ZACN: variants seen among roughly 807,000 people sequenced by gnomAD.
The protein encoded by ZACN is zinc activated ion channel, also known as ligand-gated cation channel ZACN.
ZACN carries 52 observed loss-of-function variants against 38.9 expected under a neutral mutation model. That is an observed-to-expected ratio of 1.34 (90% confidence interval 1.07 to 1.68). The LOEUF is 1.68. ZACN is among the 40% of genes most tolerant of loss of function. The pLI is 0.00. For missense variants in ZACN, 559 were observed against 525.6 expected, an observed-to-expected ratio of 1.06 and a Z score of -0.62; for synonymous variants, 235 against 227.4, an observed-to-expected ratio of 1.03 and a Z score of -0.30.
In ZACN at chr17:76,082,410, C is replaced by T. The variant is rs1339131239; in HGVS notation, c.1049-53C>T. The T allele has an allele frequency of 2.2e-5, 33 of 1,519,796 alleles. No homozygotes were observed. The Middle Eastern group carries it at 5.2e-4, about 24-fold the overall frequency. 94.1% of individuals were successfully genotyped at this position (1,519,796 alleles called of 1,614,324 possible). A position where few individuals can be genotyped will look rare whatever the true frequency, so the allele number is the denominator to read the frequency against. The stretch of plus-strand genomic sequence containing the variant: ...GACCCCTGGGGTTCGCTCTTCCGCT[C>T]ATGTTGAGGGGACCTTGAAGAACAG... On this transcript the variant is annotated intron_variant, in intron 8 of 8. Transcript: ENST00000334586.
chr17:76,079,182 A>T lies in ZACN; in HGVS notation c.-83A>T. On this transcript the variant is annotated 5_prime_UTR_variant, in exon 1 of 9. Transcript: ENST00000334586. Reference sequence around the variant, plus strand: ...TTGCCCAGAGCAGCTGCCTCTGGCTAATTGCTCAGCTGCCAGAGAAGTGAC... The same window carrying T: ...TTGCCCAGAGCAGCTGCCTCTGGCTTATTGCTCAGCTGCCAGAGAAGTGAC... 7.3e-7 allele frequency: 1 copy of T among 1,372,720 alleles called. No homozygotes were observed. The highest frequency in any genetic ancestry group is 9.9e-7 in the Non-Finnish European group (1 of 1,013,012). The allele number at this position is 1,372,720 out of a possible 1,614,324, so 85.0% of individuals were successfully genotyped here. A position where few individuals can be genotyped will look rare whatever the true frequency, so the allele number is the denominator to read the frequency against.
chr17:76,081,746 C>G lies in ZACN; in HGVS notation c.871C>G (p.Pro291Ala), dbSNP rs760032798. ...CCTGCCCAGCTCCTCCTCCTGCAAC[C>G]CACTGCTCAGTAAGCCCTGCTCCCT... Reference protein sequence around the residue: ...QALPSSSSCNPLLIYYFTILL... With the variant: ...QALPSSSSCNALLIYYFTILL... Residue 291 changes from proline to alanine, a missense_variant, in exon 7 of 9, where the codon CCA becomes GCA. By Grantham distance (27) the Pro-to-Ala change is conservative. Transcript: ENST00000334586. 1 of 1,613,914 alleles carries G rather than the reference C, an allele frequency of 6.2e-7. No homozygotes were observed. The highest frequency in any genetic ancestry group is 1.3e-5 in the African/African-American group (1 of 74,906).
chr17:76,079,837 G>T (rs753746098), intron 3 of ZACN, 51 bp from the exon 4 acceptor site: 10 of 1,597,182 alleles, frequency 6.3e-6, no homozygotes, highest in Non-Finnish European at 8.5e-6. Context: ...TGAGCTTAGG[G>T]GCATGGATAT....
In ZACN at chr17:76,081,936, TGCTGCTGGCTGG is replaced by T. The variant is rs1209393823; in HGVS notation, c.945_956del (p.Gly316_Ala319del). 10 of 1,613,302 alleles carry T rather than the reference TGCTGCTGGCTGG, an allele frequency of 6.2e-6. No individual in the cohort carries two copies. Among genetic ancestry groups the T allele is most frequent in the Admixed American group, 1.7e-5 (1 of 59,934 alleles). ...CTCTTCCTCAGCACCATAGAGACTG[TGCTGCTGGCTGG>T]GCTGCTGGCCCGGGGCAACCTTGGG... On this transcript the variant is annotated inframe_deletion, in exon 8 of 9. Transcript: ENST00000334586.
In ZACN at chr17:76,080,521, A is replaced by G. The variant is rs371628139; in HGVS notation, c.544+97A>G. 3 of 1,505,838 alleles carry G rather than the reference A, an allele frequency of 2.0e-6. No individual in the cohort carries two copies. The South Asian group carries it at 3.5e-5, about 18-fold the overall frequency. 93.3% of individuals were successfully genotyped at this position (1,505,838 alleles called of 1,614,324 possible). On this transcript the variant is annotated intron_variant, in intron 5 of 8. Coordinates refer to ENST00000334586, the MANE Select transcript of ZACN (RefSeq NM_180990.4). ...GTGGTGCAGGGGCAGGGTGCGGGGC[A>G]AGGGGAAGGGGCAAAGGCAGACAGA... is the stretch of plus-strand genomic sequence containing the variant.
In ZACN at chr17:76,081,416, G is replaced by T. The variant is rs8836; in HGVS notation, c.669+14G>T. ...TTCCAGGTGACGGTGAGTCAAGTCGGGAGGAGGCCGACAGAGGGCTGCTGG... is the reference window on the plus strand; with the variant it reads ...TTCCAGGTGACGGTGAGTCAAGTCGTGAGGAGGCCGACAGAGGGCTGCTGG... On this transcript the variant is annotated intron_variant, in intron 6 of 8. Transcript: ENST00000334586. 17 of 1,613,800 alleles carry T rather than the reference G, an allele frequency of 1.1e-5. No individual in the cohort carries two copies. In the Admixed American group the frequency reaches 2.2e-4, roughly 21 times the overall value.
At position 76,082,517 on chromosome 17, in the gene ZACN, G is replaced by C; in HGVS notation, c.1103G>C (p.Arg368Pro). The C allele has an allele frequency of 1.2e-6, 2 of 1,613,770 alleles. No individual in the cohort carries two copies. The highest frequency in any genetic ancestry group is 1.7e-6 in the Non-Finnish European group (2 of 1,179,896). ...AGAAGCTGGCCTGAGACTGCTGACC[G>C]CATCTTCTTCCTCGTGTATGTGGTT... Reference protein sequence around the residue: ...SQRSWPETADRIFFLVYVVGV... With the variant: ...SQRSWPETADPIFFLVYVVGV... Residue 368 changes from arginine to proline, a missense_variant, in exon 9 of 9, where the codon CGC becomes CCC. Transcript: ENST00000334586.
intron 5 of ZACN, chr17:76,080,690 ACT>A (rs1208736486): frequency 1.6e-6 from 1 of 612,428 alleles, no homozygotes; most frequent in Non-Finnish European, 3.1e-6. Flanking sequence ...AGGGTGACAG[ACT>A]CAAACATTCG....
chr17:76,079,654 C>A (rs772392608), intron 2 of ZACN, 48 bp from the exon 3 acceptor site: 2 of 1,611,048 alleles, frequency 1.2e-6, no homozygotes, highest in East Asian at 4.5e-5. Flanking sequence ...CTGCTGCGTT[C>A]TTTCAACACA....
At chr17:76,080,219 G>T in intron 4 of ZACN, 36 bp from the exon 5 acceptor site, 3 of 1,584,744 alleles carry the variant, frequency 1.9e-6, no homozygotes, top group Non-Finnish European at 2.6e-6. Flanking sequence ...GTCCAAGAAG[G>T]GGCTGGGGCT....
chr17:76,082,358 C>A, intron 8 of ZACN, 105 bp from the exon 9 acceptor site: 1 of 1,241,618 alleles, frequency 8.1e-7, no homozygotes, highest in Admixed American at 2.4e-5. Flanking sequence ...AGCTGAGAAT[C>A]TAAGAAAGGA....
At position 76,079,503 on chromosome 17, in the gene ZACN, C is replaced by T. The variant is rs2066917389; in HGVS notation, c.162C>T (p.Asn54=). 6.2e-7 allele frequency: 1 copy of T among 1,614,100 alleles called. No homozygotes were observed. Among genetic ancestry groups the T allele is most frequent in the Non-Finnish European group, 8.5e-7 (1 of 1,180,040 alleles). The part of the protein sequence containing the change: ...KKVQESIQIP[N]NGSAPLLVDV... ...TTCAGGAAAGCATCCAGATCCCGAACAATGGGAGTGCGCCCCTGCTCGTGG... is the reference window on the plus strand; with the variant it reads ...TTCAGGAAAGCATCCAGATCCCGAATAATGGGAGTGCGCCCCTGCTCGTGG... The change falls in exon 2 of 9, where the codon AAC becomes AAT. Residue 54 remains asparagine (N), a synonymous_variant. Transcript: ENST00000334586.
At position 76,079,435 on chromosome 17, in the gene ZACN, TCA is replaced by T. The variant is rs375994073; in HGVS notation, c.98-3_98-2del. On this transcript the variant is annotated splice_acceptor_variant and splice_polypyrimidine_tract_variant and intron_variant, in intron 1 of 8. Coordinates refer to ENST00000334586, the MANE Select transcript of ZACN (RefSeq NM_180990.4). LOFTEE classifies it high-confidence loss of function. Reference sequence around the variant, plus strand: ...CCTGAGTGACCTTGACTTTTCTCTCTCAGTCTGGCCATCCCTCTTCAACGTCA... The same window carrying T: ...CCTGAGTGACCTTGACTTTTCTCTCTGTCTGGCCATCCCTCTTCAACGTCA... 566 of 1,614,198 alleles carry T rather than the reference TCA, an allele frequency of 3.5e-4. 3 individuals are homozygous for T. The East Asian group carries it at 0.011, about 33-fold the overall frequency.
chr17:76,081,878 C>T lies in ZACN; in HGVS notation c.881-4C>T. On this transcript the variant is annotated splice_polypyrimidine_tract_variant and splice_region_variant and intron_variant, in intron 7 of 8. Transcript: ENST00000334586. ...AGCATCTCCCTGTGCCCTGCCTCCCCCAGTTTACTACTTCACCATCCTGCT... is the reference window on the plus strand; with the variant it reads ...AGCATCTCCCTGTGCCCTGCCTCCCTCAGTTTACTACTTCACCATCCTGCT... 1 of 1,608,674 alleles carries T rather than the reference C, an allele frequency of 6.2e-7. No individual in the cohort carries two copies. Among genetic ancestry groups the T allele is most frequent in the Non-Finnish European group, 8.5e-7 (1 of 1,176,332 alleles).
In ZACN at chr17:76,081,973, GGCCAAGAGCGGCCCCA is replaced by G. The variant is rs766411667; in HGVS notation, c.976_991del (p.Lys326GlnfsTer25). 1.3e-5 allele frequency: 21 copies of G among 1,612,370 alleles called. No homozygotes were observed. Among genetic ancestry groups the G allele is most frequent in the Non-Finnish European group, 1.7e-5 (20 of 1,179,760 alleles). On this transcript the variant is annotated frameshift_variant, in exon 8 of 9. Transcript: ENST00000334586. LOFTEE classifies it high-confidence loss of function. ...GGCTGCTGGCCCGGGGCAACCTTGG[GGCCAAGAGCGGCCCCA>G]GCCCAGCCCCGAGAGGGGAACAGCG...
chr17:76,080,171 G>A, intron 4 of ZACN, 84 bp from the exon 5 acceptor site: 9 of 1,504,708 alleles, frequency 6.0e-6, no homozygotes, highest in Non-Finnish European at 7.1e-6. Context: ...AAAGCAGCTG[G>A]GGTTGGGGTT....
At chr17:76,080,770 C>G (rs1185743680) in intron 5 of ZACN, 1 of 493,928 alleles carries the variant, frequency 2.0e-6, no homozygotes. Flanking sequence ...AACTGCCCTC[C>G]ACAGCCATGG....
In ZACN at chr17:76,079,705, A is replaced by G; in HGVS notation, c.226A>G (p.Ile76Val). The part of the protein sequence containing the change: ...VFVSNVFNVD[I>V]LRYTMSSMLL... ...TGATGCATTGCCCTTCCCCCAGGACATCCTGCGATACACAATGTCCTCCAT... is the reference window on the plus strand; with the variant it reads ...TGATGCATTGCCCTTCCCCCAGGACGTCCTGCGATACACAATGTCCTCCAT... The change falls in exon 3 of 9, where the codon ATC becomes GTC. Residue 76 changes from isoleucine (I) to valine (V), a missense_variant. Ile to Val is a conservative substitution (Grantham distance 29). Transcript: ENST00000334586. 5.0e-6 allele frequency: 8 copies of G among 1,613,490 alleles called. No homozygotes were observed. Among genetic ancestry groups the G allele is most frequent in the Non-Finnish European group, 6.8e-6 (8 of 1,179,590 alleles).
At chr17:76,080,598 G>A (rs749993050) in intron 5 of ZACN, 174 bp downstream of exon 5, 10 of 918,764 alleles carry the variant, frequency 1.1e-5, no homozygotes, top group East Asian at 1.1e-4. Context: ...GCTTAGGCGG[G>A]CAGCACCTGC....
Sources: gnomAD v4.1 joint callset for allele counts on GRCh38, gnomAD v4.1.1 for gene constraint, MANE v1.5 for transcripts, NCBI Gene and HGNC (gene_info 2026-07-23, HGNC 2026-07-21) for gene names.